Variants in NFIX observed in about 807,000 individuals in gnomAD.
NFIX encodes nuclear factor 1 X-type.
A neutral mutation model predicts 53.3 loss-of-function variants in NFIX; 2 were observed. That is an observed-to-expected ratio of 0.04 (90% CI 0.02 to 0.12). NFIX has a LOEUF of 0.12. Among genes scored for constraint, NFIX ranks in the 10% least tolerant of loss-of-function variants. NFIX has a pLI of 1.00. For missense variants in NFIX, 310 were observed against 674.5 expected, an observed-to-expected ratio of 0.46 and a Z score of 5.99; for synonymous variants, 244 against 289.0, an observed-to-expected ratio of 0.84 and a Z score of 1.58.
chr19:13,092,317 C>T (rs1390529496), intron 10 of NFIX, among the ~76,000 whole-genome samples: 1 of 152,200 alleles, frequency 6.6e-6, no homozygotes, highest in African/African-American at 2.4e-5. Flanking sequence ...GAGGGGTGAG[C>T]AGAGAAAGCC....
chr19:13,048,114 T>G (rs904051551), intron 2 of NFIX, among the ~76,000 whole-genome samples: 1 of 152,230 alleles, frequency 6.6e-6, no homozygotes, highest in Non-Finnish European at 1.5e-5. Flanking sequence ...AGAATCTTGC[T>G]CAAGGCCACC....
Position 13,075,519 on chromosome 19 carries a change from TTTC to T in NFIX, c.819-13_819-11del. On this transcript the variant is annotated splice_polypyrimidine_tract_variant and intron_variant, in intron 5 of 10. Coordinates refer to ENST00000592199, the MANE Select transcript of NFIX (RefSeq NM_001365902.3). Reference sequence around the variant, plus strand: ...AGCCCATCCTTGGCCCATGTGACCCTTTCTTTCTTCCCCAGCACCACCAAGCGC... The same window carrying T: ...AGCCCATCCTTGGCCCATGTGACCCTTTTCTTCCCCAGCACCACCAAGCGC... 6.2e-7 allele frequency: 1 copy of T among 1,613,040 alleles called. No homozygotes were observed. Among genetic ancestry groups the T allele is most frequent in the Non-Finnish European group, 8.5e-7 (1 of 1,179,438 alleles).
In NFIX at chr19:12,996,566, C is replaced by T. The variant is rs1476874179; in HGVS notation, c.27+702C>T. Among the ~76,000 whole-genome samples the T allele has an allele frequency of 6.6e-6, 1 of 152,294 alleles. No homozygotes were observed. The highest frequency in any genetic ancestry group is 6.5e-5 in the Admixed American group (1 of 15,306). On this transcript the variant is annotated intron_variant, in intron 1 of 10. Transcript: ENST00000592199. This position sits in a 1 kb window ranked among gnomAD's most constrained non-coding sequence, Gnocchi z 5.2. ...CGCGCTGCCAGCGGTGGCCGCGCCT[C>T]TCCGACCCCGGACGTCGCAGCCTCT...
intron 2 of NFIX, among the ~76,000 whole-genome samples, chr19:13,061,464 C>T (rs2016082940): frequency 6.6e-6 from 1 of 152,238 alleles, no homozygotes; most frequent in African/African-American, 2.4e-5. Flanking sequence ...GAGGGAACCA[C>T]ATCCCCTGGA....
At chr19:13,015,732 C>T (rs1310238080) in intron 1 of NFIX, among the ~76,000 whole-genome samples, 2 of 152,068 alleles carry the variant, frequency 1.3e-5, no homozygotes, top group Non-Finnish European at 2.9e-5. Flanking sequence ...GTCTGCTAAA[C>T]CCGCTGCACA....
In NFIX at chr19:13,001,732, CTG is replaced by C. The variant is rs986818720; in HGVS notation, c.27+5871_27+5872del. Among the ~76,000 whole-genome samples, 3 of 152,228 alleles carry C rather than the reference CTG, an allele frequency of 2.0e-5. No homozygotes were observed. Among genetic ancestry groups the C allele is most frequent in the African/African-American group, 7.2e-5 (3 of 41,470 alleles). ...CCTGAGCTTGTCCCCGTGACAATCA[CTG>C]TGGGTCTCACCCCACGGGCGCCTCT... On this transcript the variant is annotated intron_variant, in intron 1 of 10. Coordinates refer to ENST00000592199, the MANE Select transcript of NFIX (RefSeq NM_001365902.3). This position sits in a 1 kb window ranked among gnomAD's most constrained non-coding sequence, Gnocchi z 6.5.
At chr19:13,046,188 C>T (rs561173428) in intron 2 of NFIX, among the ~76,000 whole-genome samples, 1 of 152,264 alleles carries the variant, frequency 6.6e-6, no homozygotes, top group East Asian at 1.9e-4. Flanking sequence ...CTTTGACTCC[C>T]ACTACCAAGG....
chr19:13,032,581 T>C (rs73507345), intron 2 of NFIX, among the ~76,000 whole-genome samples: 7,837 of 152,246 alleles, frequency 0.051, 665 homozygotes, highest in African/African-American at 0.17. Context: ...TACACACTTC[T>C]TGGAGACTCA....
At position 13,097,295 on chromosome 19, in the gene NFIX, A is replaced by G. The variant is rs560392188; in HGVS notation, c.*2646A>G. The G allele has an allele frequency of 6.6e-6, 1 of 151,150 alleles. No individual in the cohort carries two copies. Among genetic ancestry groups the G allele is most frequent in the East Asian group, 1.9e-4 (1 of 5,138 alleles). The allele number at this position is 151,150 out of a possible 1,614,324, so 9.4% of individuals were successfully genotyped here. A position where few individuals can be genotyped will look rare whatever the true frequency, so the allele number is the denominator to read the frequency against. On this transcript the variant is annotated 3_prime_UTR_variant, in exon 11 of 11. Coordinates refer to ENST00000592199, the MANE Select transcript of NFIX (RefSeq NM_001365902.3). ...TGGGAGGGCTGAAGGAAACGTTCAC[A>G]TTTTAGAGTTTAAAAAAAACACCTC...
At chr19:13,091,263 C>A (rs565760707) in intron 10 of NFIX, among the ~76,000 whole-genome samples, 1 of 152,192 alleles carries the variant, frequency 6.6e-6, no homozygotes, top group Non-Finnish European at 1.5e-5. Flanking sequence ...ATCCACCTCT[C>A]TCAAGAGCCC....
chr19:13,077,196 C>T (rs1021991482), intron 6 of NFIX, among the ~76,000 whole-genome samples: 2 of 152,126 alleles, frequency 1.3e-5, no homozygotes, highest in Non-Finnish European at 2.9e-5. Flanking sequence ...GGCTCCTGTG[C>T]CCAGACCTAA....
At chr19:13,091,737 C>T (rs957874567) in intron 10 of NFIX, among the ~76,000 whole-genome samples, 1 of 152,204 alleles carries the variant, frequency 6.6e-6, no homozygotes, top group Non-Finnish European at 1.5e-5. Context: ...GGCCTCCCCT[C>T]CCAGCTCTGG....
rs1257379548 is a variant in NFIX, at chr19:13,023,861, C to A, written c.28-1160C>A. On this transcript the variant is annotated intron_variant, in intron 1 of 10. Transcript: ENST00000592199. ...GAGGGGGAAGGGTTTGAGAATCCAC[C>A]CAAGCCCGGCCCCTATTCCCCAGAA... 6.5e-6 allele frequency: 4 copies of A among 619,256 alleles called. No individual in the cohort carries two copies. In the Admixed American group the frequency reaches 8.6e-5, roughly 13 times the overall value. 38.4% of individuals were successfully genotyped at this position (619,256 alleles called of 1,614,324 possible). A position where few individuals can be genotyped will look rare whatever the true frequency, so the allele number is the denominator to read the frequency against.
chr19:13,010,788 C>G (rs1358919415), intron 1 of NFIX, among the ~76,000 whole-genome samples: 2 of 152,148 alleles, frequency 1.3e-5, no homozygotes, highest in Non-Finnish European at 2.9e-5. Context: ...ACCTGCCAGG[C>G]CGCTCAGGGC....
rs1372399488 is a variant in NFIX at position 13,081,999 on chromosome 19, C to T, written c.1254+144C>T. 6.7e-6 allele frequency: 6 copies of T among 892,046 alleles called. No individual in the cohort carries two copies. Among genetic ancestry groups the T allele is most frequent in the Admixed American group, 5.2e-5 (2 of 38,822 alleles). The allele number at this position is 892,046 out of a possible 1,614,324, so 55.3% of individuals were successfully genotyped here. ...AGGGAGCTGGTAGTACCAAACGCCT[C>T]GATTTTCTGGGTCTGGGGACGGGGG... On this transcript the variant is annotated intron_variant, in intron 8 of 10. Coordinates refer to ENST00000592199, the MANE Select transcript of NFIX (RefSeq NM_001365902.3). The surrounding 1 kb of genome is among the most constrained non-coding windows in gnomAD (Gnocchi z 4.7).
chr19:12,996,476 C>G lies in NFIX; in HGVS notation c.27+612C>G, dbSNP rs1016054747. ...TCTTTGTTTAGGCCTCACATGGGAGCGGGGCTAAGAAAATGGCGGGGCTCC... is the reference window on the plus strand; with the variant it reads ...TCTTTGTTTAGGCCTCACATGGGAGGGGGGCTAAGAAAATGGCGGGGCTCC... On this transcript the variant is annotated intron_variant, in intron 1 of 10. Transcript: ENST00000592199. The surrounding 1 kb of genome is among the most constrained non-coding windows in gnomAD (Gnocchi z 5.2). Among the ~76,000 whole-genome samples, 1 of 101,912 alleles carries G rather than the reference C, an allele frequency of 9.8e-6. No individual in the cohort carries two copies. The highest frequency in any genetic ancestry group is 3.8e-5 in the African/African-American group (1 of 26,542). 66.9% of individuals were successfully genotyped at this position (101,912 alleles called of 152,430 possible).
chr19:13,053,907 G>A (rs2015483402), intron 2 of NFIX, among the ~76,000 whole-genome samples: 1 of 151,998 alleles, frequency 6.6e-6, no homozygotes, highest in African/African-American at 2.4e-5. Flanking sequence ...AAGGGGTGCT[G>A]CCCCCACCTC....
At chr19:13,091,368 G>GTT (rs778831406) in intron 10 of NFIX, among the ~76,000 whole-genome samples, 20 of 52,896 alleles carry the variant, frequency 3.8e-4, no homozygotes, top group African/African-American at 8.3e-4. Context: ...GTTTGAGATT[G>GTT]TTTTTTTTTT....
In NFIX at chr19:13,089,170, A is replaced by T. The variant is rs1372152010; in HGVS notation, c.1402+1034A>T. Among the ~76,000 whole-genome samples, 1 of 151,836 alleles carries T rather than the reference A, an allele frequency of 6.6e-6. No individual in the cohort carries two copies. The highest frequency in any genetic ancestry group is 6.6e-5 in the Admixed American group (1 of 15,250). On this transcript the variant is annotated intron_variant, in intron 9 of 10. Coordinates refer to ENST00000592199, the MANE Select transcript of NFIX (RefSeq NM_001365902.3). This position sits in a 1 kb window ranked among gnomAD's most constrained non-coding sequence, Gnocchi z 4.8. ...CATCCACCATAAGACATGAAGTCAC[A>T]GTCATTGGAGGTGGGCAGGGTGGGG...
Sources: allele counts gnomAD v4.1 joint callset (sites outside exome capture counted in the v4.1 genomes callset), GRCh38; gene constraint gnomAD v4.1.1; non-coding constraint Gnocchi (gnomAD v3.1); transcripts MANE v1.5; gene names NCBI Gene and HGNC (gene_info 2026-07-23, HGNC 2026-07-21).